The following PRKAA2 variants were observed in gnomAD, a reference collection of about 807,000 sequenced individuals.
The protein encoded by PRKAA2 is 5'-AMP-activated protein kinase catalytic subunit alpha-2.
In PRKAA2, 40 loss-of-function variants were observed where a neutral mutation model predicts 56.3. That is an observed-to-expected ratio of 0.71 (90% CI 0.55 to 0.92). The LOEUF is 0.92. PRKAA2 is among the 40% of genes least tolerant of loss of function. The probability of loss-of-function intolerance (pLI) is 0.00; values close to 1 mark genes in which losing one functional copy is unlikely to be tolerated. For synonymous variants in PRKAA2, 214 were observed against 234.2 expected, an observed-to-expected ratio of 0.91 and a Z score of 0.79; for missense variants, 542 against 686.9, an observed-to-expected ratio of 0.79 and a Z score of 2.36.
chr1:56,671,393 T>G (rs1475214934), intron 1 of PRKAA2: 1 of 152,204 alleles, frequency 6.6e-6, no homozygotes, highest in African/African-American at 2.4e-5. Context: ...TTCCCAAAGA[T>G]GAGTAATAAA....
intron 6 of PRKAA2, among the ~76,000 whole-genome samples, chr1:56,697,849 C>A (rs577709212): frequency 2.0e-5 from 3 of 151,274 alleles, no homozygotes; most frequent in Admixed American, 2.0e-4. Flanking sequence ...TGATTCATTG[C>A]TTTAAAACAG....
intron 1 of PRKAA2, among the ~76,000 whole-genome samples, chr1:56,660,627 C>G (rs572569050): frequency 5.3e-5 from 8 of 152,264 alleles, no homozygotes; most frequent in African/African-American, 1.9e-4. Context: ...TGCAAGTGAG[C>G]ACCCTTGATA....
chr1:56,669,737 G>GA (rs978036185), intron 1 of PRKAA2, among the ~76,000 whole-genome samples: 2 of 152,142 alleles, frequency 1.3e-5, no homozygotes, highest in South Asian at 4.2e-4. Flanking sequence ...ACATCTGGTG[G>GA]AAAAAAAGTA....
intron 2 of PRKAA2, among the ~76,000 whole-genome samples, chr1:56,682,880 A>G (rs975003484): frequency 1.3e-5 from 2 of 152,154 alleles, no homozygotes; most frequent in African/African-American, 4.8e-5. Context: ...CCACATTTCA[A>G]GTACTTAATA....
chr1:56,649,408 G>A (rs898327077), intron 1 of PRKAA2, among the ~76,000 whole-genome samples: 9 of 152,196 alleles, frequency 5.9e-5, no homozygotes, highest in South Asian at 2.1e-4. Context: ...TTGGCCAGGT[G>A]TGGTGGTCCA....
At chr1:56,673,729 G>A (rs1460580239) in intron 1 of PRKAA2, among the ~76,000 whole-genome samples, 4 of 152,180 alleles carry the variant, frequency 2.6e-5, no homozygotes, top group Admixed American at 2.6e-4. Flanking sequence ...ATGAGCACTG[G>A]TCATCTTGTC....
At chr1:56,695,433 C>T (rs922593423) in intron 5 of PRKAA2, among the ~76,000 whole-genome samples, 7 of 151,866 alleles carry the variant, frequency 4.6e-5, no homozygotes, top group Non-Finnish European at 5.9e-5. Flanking sequence ...TCAAGCAATC[C>T]GCCCGCCTCA....
chr1:56,689,895 CAG>C (rs1200143753), intron 2 of PRKAA2, among the ~76,000 whole-genome samples: 3 of 70,994 alleles, frequency 4.2e-5, no homozygotes, highest in Non-Finnish European at 7.4e-5. Flanking sequence ...CACAGACACA[CAG>C]ACACACACAC....
At chr1:56,695,375 G>T (rs1327056844) in intron 5 of PRKAA2, among the ~76,000 whole-genome samples, 3 of 151,508 alleles carry the variant, frequency 2.0e-5, no homozygotes, top group Non-Finnish European at 2.9e-5. Flanking sequence ...ATTTTTAGTA[G>T]AAACAGCGTT....
Position 56,707,498 on chromosome 1 carries a change from G to T in PRKAA2, c.1444G>T (p.Gly482Cys). 1.2e-6 allele frequency: 2 copies of T among 1,614,112 alleles called. No individual in the cohort carries two copies. The highest frequency in any genetic ancestry group is 8.5e-7 in the Non-Finnish European group (1 of 1,180,010). ...AGATGAAGTAGTGGAGCAGAGATCT[G>T]GTTCCTCAACACCTCAGCGTTCCTG... The part of the protein sequence containing the change: ...IDDEVVEQRS[G>C]SSTPQRSCSA... Residue 482 changes from glycine to cysteine, a missense_variant, in exon 9 of 9, where the codon GGT becomes TGT. Transcript: ENST00000371244.
rs1569744993 is a variant in PRKAA2, at chr1:56,674,232, T to C, written c.95-149T>C. The C allele has an allele frequency of 3.6e-5, 20 of 558,062 alleles. No individual in the cohort carries two copies. In the East Asian group the frequency reaches 5.7e-4, roughly 16 times the overall value. 34.6% of individuals were successfully genotyped at this position (558,062 alleles called of 1,614,324 possible). On this transcript the variant is annotated intron_variant, in intron 1 of 8. Coordinates refer to ENST00000371244, the MANE Select transcript of PRKAA2 (RefSeq NM_006252.4). ...AGAGTGCATACTCTAATAGAAGAAA[T>C]AGAAGTAAAAAGAACTGTAGTTTTG...
intron 7 of PRKAA2, 113 bp downstream of exon 7, chr1:56,704,588 T>C (rs1033623901): frequency 5.7e-6 from 7 of 1,230,198 alleles, no homozygotes; most frequent in Non-Finnish European, 6.7e-6. Context: ...TAATATGCTA[T>C]GCACATTAAA....
At chr1:56,657,619 T>G (rs1197120896) in intron 1 of PRKAA2, among the ~76,000 whole-genome samples, 1 of 152,120 alleles carries the variant, frequency 6.6e-6, no homozygotes, top group Non-Finnish European at 1.5e-5. Context: ...GAGGTTGCAG[T>G]GAGCCGAGAT....
At position 56,652,073 on chromosome 1, in the gene PRKAA2, C is replaced by T. The variant is rs569654276; in HGVS notation, c.94+6592C>T. Among the ~76,000 whole-genome samples the T allele has an allele frequency of 3.4e-5, 5 of 145,244 alleles. 1 individual carries two copies. In the South Asian group the frequency reaches 6.6e-4, roughly 19 times the overall value. On this transcript the variant is annotated intron_variant, in intron 1 of 8. Coordinates refer to ENST00000371244, the MANE Select transcript of PRKAA2 (RefSeq NM_006252.4). ...CTGTCACCAGTCTGGAGTGCAGTGG[C>T]GCGATCTCGGCTCACTACAACCTCT...
In PRKAA2 at chr1:56,713,643, G is replaced by A. The variant is rs1459513126; in HGVS notation, c.*5930G>A. 3.9e-5 allele frequency: 6 copies of A among 151,978 alleles called. No homozygotes were observed. Among genetic ancestry groups the A allele is most frequent in the African/African-American group, 1.4e-4 (6 of 41,412 alleles). The allele number at this position is 151,978 out of a possible 1,614,324, so 9.4% of individuals were successfully genotyped here. ...TACAGTGTGACCTTTTCTGAGGTGGGCAGGGAGGGTTGCTACGTTGTGTTG... is the reference window on the plus strand; with the variant it reads ...TACAGTGTGACCTTTTCTGAGGTGGACAGGGAGGGTTGCTACGTTGTGTTG... On this transcript the variant is annotated 3_prime_UTR_variant, in exon 9 of 9. Coordinates refer to ENST00000371244, the MANE Select transcript of PRKAA2 (RefSeq NM_006252.4).
intron 1 of PRKAA2, among the ~76,000 whole-genome samples, chr1:56,668,956 C>G (rs541754233): frequency 2.6e-5 from 4 of 152,184 alleles, no homozygotes; most frequent in Non-Finnish European, 5.9e-5. Flanking sequence ...AAGTGGCAAC[C>G]GAAATCGTCA....
chr1:56,666,997 C>T (rs891471406), intron 1 of PRKAA2, among the ~76,000 whole-genome samples: 12 of 152,072 alleles, frequency 7.9e-5, no homozygotes, highest in Admixed American at 7.9e-4. Context: ...TGAATCTTCC[C>T]CTTGGTTTTC....
chr1:56,684,493 A>G (rs1057497335), intron 2 of PRKAA2, among the ~76,000 whole-genome samples: 1 of 152,118 alleles, frequency 6.6e-6, no homozygotes, highest in African/African-American at 2.4e-5. Flanking sequence ...GAACACTATG[A>G]TGCTAACATG....
chr1:56,668,411 T>TAAA (rs11353693), intron 1 of PRKAA2, among the ~76,000 whole-genome samples: 3 of 142,296 alleles, frequency 2.1e-5, no homozygotes, highest in African/African-American at 5.1e-5. Context: ...ACTTAAAGTA[T>TAAA]AAAAAAAAAA....
Sources: gnomAD v4.1 joint callset for allele counts (sites outside exome capture counted in the v4.1 genomes callset) on GRCh38, gnomAD v4.1.1 for gene constraint, MANE v1.5 for transcripts, NCBI Gene and HGNC (gene_info 2026-07-23, HGNC 2026-07-21) for gene names.